SLC24A2: variants seen among roughly 807,000 people sequenced by gnomAD.
SLC24A2 encodes sodium/potassium/calcium exchanger 2.
In SLC24A2, 36 loss-of-function variants were observed where a neutral mutation model predicts 62.0. The observed-to-expected ratio is 0.58, with a 90% CI of 0.44 to 0.77. The LOEUF is 0.77. Ranked by LOEUF, SLC24A2 falls within the 30% of genes least tolerant of loss-of-function variation. The pLI is 0.00. For missense variants in SLC24A2, 846 were observed against 817.9 expected, an observed-to-expected ratio of 1.03 and a Z score of -0.42; for synonymous variants, 358 against 294.0, an observed-to-expected ratio of 1.22 and a Z score of -2.23.
the SLC24A2 span, among the ~76,000 whole-genome samples, chr9:20,219,835 T>A: frequency 6.6e-6 from 1 of 152,164 alleles, no homozygotes; most frequent in Non-Finnish European, 1.5e-5. Context: ...CAATAAACAA[T>A]TTCATAATTT....
intron 2 of SLC24A2, among the ~76,000 whole-genome samples, chr9:19,653,084 G>C (rs1271989196): frequency 2.6e-5 from 4 of 152,070 alleles, no homozygotes; most frequent in African/African-American, 9.7e-5. Flanking sequence ...GCTCACCTCG[G>C]GCTGCCTCAC....
chr9:19,608,728 A>G (rs1379764846), intron 4 of SLC24A2, among the ~76,000 whole-genome samples: 1 of 150,708 alleles, frequency 6.6e-6, no homozygotes, highest in Non-Finnish European at 1.5e-5. Context: ...CTTCTCTACC[A>G]TCTCTGAGGC....
chr9:19,752,821 G>C (rs1398314006), intron 2 of SLC24A2, among the ~76,000 whole-genome samples: 2 of 152,186 alleles, frequency 1.3e-5, no homozygotes, highest in African/African-American at 4.8e-5. Flanking sequence ...CTCAGGAACA[G>C]AGAAATTGAG....
the SLC24A2 span, among the ~76,000 whole-genome samples, chr9:19,843,571 G>T: frequency 4.2e-3 from 637 of 152,238 alleles, 5 homozygotes; most frequent in African/African-American, 0.015. Flanking sequence ...CATATTTGTT[G>T]TGTGGGTATG....
chr9:19,910,907 CTTTTA>C, the SLC24A2 span, among the ~76,000 whole-genome samples: 4 of 145,794 alleles, frequency 2.7e-5, no homozygotes, highest in South Asian at 2.2e-4. Flanking sequence ...CTTTTCTTTT[CTTTTA>C]TTTTTTATTT....
At chr9:20,297,649 G>A in the SLC24A2 span, among the ~76,000 whole-genome samples, 1 of 152,214 alleles carries the variant, frequency 6.6e-6, no homozygotes, top group Non-Finnish European at 1.5e-5. Context: ...GCAGAGTCCA[G>A]CACTGCTGAC....
At chr9:19,959,196 G>C in the SLC24A2 span, among the ~76,000 whole-genome samples, 1 of 152,200 alleles carries the variant, frequency 6.6e-6, no homozygotes, top group African/African-American at 2.4e-5. Context: ...GAAGGTGGGA[G>C]AGAAAAAGAG....
the SLC24A2 span, among the ~76,000 whole-genome samples, chr9:20,193,289 T>C: frequency 1.3e-5 from 2 of 152,308 alleles, no homozygotes; most frequent in Middle Eastern, 3.4e-3. Context: ...AATCATGCCT[T>C]GAAATTTTAT....
At chr9:20,032,076 A>G in the SLC24A2 span, among the ~76,000 whole-genome samples, 8 of 152,258 alleles carry the variant, frequency 5.3e-5, no homozygotes, top group Admixed American at 6.5e-5. Flanking sequence ...ATGGGCTCCT[A>G]TGTATTTCCT....
At position 19,749,739 on chromosome 9, in the gene SLC24A2, G is replaced by A. The variant is rs189521383; in HGVS notation, c.930+36198C>T. 2.2e-3 allele frequency among the ~76,000 whole-genome samples: 334 copies of A among 152,246 alleles called. 7 individuals are homozygous for A. The highest frequency in any genetic ancestry group is 0.02 in the Admixed American group (306 of 15,278). ...AATGACTCCTTGTATAATGAAAAAC[G>A]AAACTTACCTAGCATCTCATATTTT... is the stretch of plus-strand genomic sequence containing the variant. On this transcript the variant is annotated intron_variant, in intron 2 of 10. Transcript: ENST00000341998.
chr9:19,979,386 T>C, the SLC24A2 span, among the ~76,000 whole-genome samples: 1 of 152,154 alleles, frequency 6.6e-6, no homozygotes, highest in Non-Finnish European at 1.5e-5. Context: ...CAGGTTCATA[T>C]ATATATTCAG....
the SLC24A2 span, among the ~76,000 whole-genome samples, chr9:20,193,244 T>C: frequency 1.3e-5 from 2 of 152,166 alleles, no homozygotes; most frequent in African/African-American, 4.8e-5. Flanking sequence ...AAGTACAAAC[T>C]GGATTTGTAA....
At chr9:19,963,316 G>A in the SLC24A2 span, among the ~76,000 whole-genome samples, 29 of 151,374 alleles carry the variant, frequency 1.9e-4, no homozygotes, top group East Asian at 7.7e-4. Context: ...GGGTAAGGAC[G>A]TCGTGTCTAA....
intron 2 of SLC24A2, among the ~76,000 whole-genome samples, chr9:19,772,635 C>A (rs576145611): frequency 6.6e-6 from 1 of 152,170 alleles, no homozygotes; most frequent in Non-Finnish European, 1.5e-5. Flanking sequence ...CAGGAAAATG[C>A]AAACCAAAAT....
chr9:19,793,400 C>T (rs1267412522), upstream of SLC24A2, among the ~76,000 whole-genome samples: 1 of 152,180 alleles, frequency 6.6e-6, no homozygotes, highest in Non-Finnish European at 1.5e-5. Flanking sequence ...ATCACTGCTG[C>T]TAGTATCTCA....
intron 2 of SLC24A2, among the ~76,000 whole-genome samples, chr9:19,641,178 T>G (rs1455663456): frequency 1.3e-5 from 2 of 152,232 alleles, no homozygotes; most frequent in African/African-American, 4.8e-5. Flanking sequence ...ATCTCAGCAT[T>G]TGTCTTACTC....
intron 2 of SLC24A2, among the ~76,000 whole-genome samples, chr9:19,641,333 A>G (rs756911973): frequency 6.6e-6 from 1 of 152,190 alleles, no homozygotes; most frequent in Non-Finnish European, 1.5e-5. Context: ...CCAAACATGC[A>G]TATCCAATTC....
chr9:19,916,478 G>A, the SLC24A2 span, among the ~76,000 whole-genome samples: 1 of 151,922 alleles, frequency 6.6e-6, no homozygotes, highest in Admixed American at 6.6e-5. Flanking sequence ...AAAAATGAAG[G>A]CAGAAGGCAG....
chr9:20,076,327 A>G, the SLC24A2 span, among the ~76,000 whole-genome samples: 1 of 152,162 alleles, frequency 6.6e-6, no homozygotes, highest in Admixed American at 6.5e-5. Context: ...CATCTACTCA[A>G]TGTGATAGGA....
Sources: gnomAD v4.1 joint callset for allele counts (sites outside exome capture counted in the v4.1 genomes callset) on GRCh38, gnomAD v4.1.1 for gene constraint, MANE v1.5 for transcripts, NCBI Gene and HGNC (gene_info 2026-07-23, HGNC 2026-07-21) for gene names.